CFAP90: variants seen among roughly 807,000 people sequenced by gnomAD.
The protein encoded by CFAP90 is cilia- and flagella-associated protein 90.
At chr5:7,848,282 G>T in the CFAP90 span, among the ~76,000 whole-genome samples, 1 of 152,102 alleles carries the variant, frequency 6.6e-6, no homozygotes, top group Non-Finnish European at 1.5e-5. Flanking sequence ...GAGCCTGGGA[G>T]AACAGGCAAA....
chr5:7,833,756 G>T, the CFAP90 span, among the ~76,000 whole-genome samples: 1 of 152,148 alleles, frequency 6.6e-6, no homozygotes, highest in South Asian at 2.1e-4. Context: ...GTCCCGTAAG[G>T]TTATAATATT....
chr5:7,839,412 C>T, the CFAP90 span, among the ~76,000 whole-genome samples: 6 of 152,342 alleles, frequency 3.9e-5, no homozygotes, highest in African/African-American at 1.4e-4. Context: ...AGGTCCAACC[C>T]TCCTGAACTG....
At chr5:7,851,039 C>T in the CFAP90 span, 4 of 1,240,528 alleles carry the variant, frequency 3.2e-6, no homozygotes, top group Non-Finnish European at 4.0e-6. Flanking sequence ...CCGTCCAGCG[C>T]CCCCGCCTTG....
the CFAP90 span, chr5:7,851,038 G>A: frequency 1.6e-6 from 2 of 1,239,690 alleles, no homozygotes; most frequent in Non-Finnish European, 2.0e-6. Flanking sequence ...ACCGTCCAGC[G>A]CCCCCGCCTT....
chr5:7,836,683 CAA>C, the CFAP90 span, among the ~76,000 whole-genome samples: 1 of 152,192 alleles, frequency 6.6e-6, no homozygotes, highest in Non-Finnish European at 1.5e-5. Flanking sequence ...TGGTCTATGA[CAA>C]AAGTCTGTCC....
the CFAP90 span, among the ~76,000 whole-genome samples, chr5:7,847,608 C>A: frequency 1.3e-5 from 2 of 152,154 alleles, no homozygotes; most frequent in Non-Finnish European, 2.9e-5. Context: ...TTAAAATAGG[C>A]AACTGGCCAG....
chr5:7,844,432 C>T, the CFAP90 span, among the ~76,000 whole-genome samples: 1 of 152,150 alleles, frequency 6.6e-6, no homozygotes, highest in African/African-American at 2.4e-5. Flanking sequence ...TTTGTTCATG[C>T]AACAGGTATT....
the CFAP90 span, chr5:7,832,146 G>T: frequency 7.3e-6 from 7 of 960,898 alleles, no homozygotes; most frequent in Admixed American, 9.1e-5. Context: ...CACCATGGTA[G>T]ACCAAGAGGG....
chr5:7,836,770 G>C, the CFAP90 span, among the ~76,000 whole-genome samples: 19 of 152,234 alleles, frequency 1.2e-4, no homozygotes, highest in East Asian at 3.9e-4. Flanking sequence ...AAGGTACCAG[G>C]GGTCATTGTT....
chr5:7,845,031 G>T, the CFAP90 span, among the ~76,000 whole-genome samples: 1 of 152,176 alleles, frequency 6.6e-6, no homozygotes, highest in African/African-American at 2.4e-5. Flanking sequence ...GTTCCACATG[G>T]CTGGGGAGGC....
chr5:7,845,675 T>G, the CFAP90 span, among the ~76,000 whole-genome samples: 1 of 152,154 alleles, frequency 6.6e-6, no homozygotes. Context: ...AAAAAGTAAT[T>G]GAAGAACACC....
the CFAP90 span, among the ~76,000 whole-genome samples, chr5:7,843,699 G>T: frequency 6.6e-6 from 1 of 152,170 alleles, no homozygotes; most frequent in African/African-American, 2.4e-5. Context: ...GCGATCCACA[G>T]GGGCTGAAAC....
At chr5:7,849,700 C>T in the CFAP90 span, among the ~76,000 whole-genome samples, 1 of 152,130 alleles carries the variant, frequency 6.6e-6, no homozygotes, top group Non-Finnish European at 1.5e-5. Flanking sequence ...ACTCGCAGAT[C>T]CCATCCCAGG....
At chr5:7,832,026 G>A in the CFAP90 span, 1 of 1,603,758 alleles carries the variant, frequency 6.2e-7, no homozygotes, top group African/African-American at 1.3e-5. Flanking sequence ...GGCCTCTCCT[G>A]TTCCTGGTGA....
the CFAP90 span, among the ~76,000 whole-genome samples, chr5:7,847,900 T>C: frequency 2.0e-5 from 3 of 152,200 alleles, no homozygotes; most frequent in Non-Finnish European, 2.9e-5. Flanking sequence ...GGTGCCCCCA[T>C]CTTATTTACA....
the CFAP90 span, among the ~76,000 whole-genome samples, chr5:7,839,969 T>C: frequency 6.6e-6 from 1 of 152,090 alleles, no homozygotes; most frequent in Non-Finnish European, 1.5e-5. Context: ...TTATTAATCT[T>C]TCTTTTTTTT....
the CFAP90 span, chr5:7,835,277 A>G: frequency 1.2e-5 from 8 of 648,096 alleles, no homozygotes; most frequent in South Asian, 1.6e-4. Flanking sequence ...TAAAAAATAC[A>G]GTATCTATGA....
chr5:7,846,404 C>A, the CFAP90 span, among the ~76,000 whole-genome samples: 1 of 152,192 alleles, frequency 6.6e-6, no homozygotes, highest in Non-Finnish European at 1.5e-5. Context: ...CAAGGTTGGG[C>A]AGTCCAAGAT....
the CFAP90 span, among the ~76,000 whole-genome samples, chr5:7,842,582 G>A: frequency 6.6e-6 from 1 of 151,960 alleles, no homozygotes; most frequent in Non-Finnish European, 1.5e-5. Flanking sequence ...TCCAATAAAT[G>A]ACTCTAAAGT....
Sources: gnomAD v4.1 joint callset for allele counts (sites outside exome capture counted in the v4.1 genomes callset) on GRCh38, gnomAD v4.1.1 for gene constraint, MANE v1.5 for transcripts, NCBI Gene and HGNC (gene_info 2026-07-23, HGNC 2026-07-21) for gene names.